Variants in ADAMTS17 observed in about 807,000 individuals in gnomAD.
ADAMTS17 encodes A disintegrin and metalloproteinase with thrombospondin motifs 17.
ADAMTS17 carries 113 observed loss-of-function variants against 141.5 expected under a neutral mutation model. The ratio of observed to expected loss-of-function variants is 0.80; its 90% CI spans 0.69 to 0.93. The LOEUF is 0.93. Ranked by LOEUF, ADAMTS17 falls within the 40% of genes least tolerant of loss-of-function variation. ADAMTS17 has a pLI of 0.00. For synonymous variants in ADAMTS17, 768 were observed against 630.6 expected (o/e 1.22, Z -3.27); for missense variants, 1,659 against 1,517.9 (o/e 1.09, Z -1.54).
chr15:100,084,382 G>C (rs976765604), intron 15 of ADAMTS17, among the ~76,000 whole-genome samples: 4 of 152,228 alleles, frequency 2.6e-5, no homozygotes, highest in Admixed American at 6.5e-5. Flanking sequence ...AGCTCAAGGA[G>C]GCTTGCCTGC....
chr15:100,023,809 G>A (rs999078449), intron 18 of ADAMTS17, among the ~76,000 whole-genome samples: 2 of 152,294 alleles, frequency 1.3e-5, no homozygotes, highest in South Asian at 4.1e-4. Context: ...TCTTTGCGCT[G>A]ATCTCCAGGG....
At chr15:99,992,991 G>A (rs1305731782) in intron 20 of ADAMTS17, 57 bp downstream of exon 20, 48 of 1,609,228 alleles carry the variant, frequency 3.0e-5, no homozygotes, top group South Asian at 5.5e-5. Flanking sequence ...CTGAGTTCCC[G>A]ACCCTCGAGC....
chr15:100,301,606 C>G (rs1195362429), intron 3 of ADAMTS17, among the ~76,000 whole-genome samples: 3 of 151,392 alleles, frequency 2.0e-5, no homozygotes, highest in Non-Finnish European at 4.4e-5. Flanking sequence ...GCTGGGATTA[C>G]AGGCGTGAGT....
In ADAMTS17 at chr15:100,085,311, C is replaced by T. The variant is rs890716915; in HGVS notation, c.2137+11045G>A. On this transcript the variant is annotated intron_variant, in intron 15 of 21. Transcript: ENST00000268070. ...TTAGAGAAAAAAGAATACAAAGAAA[C>T]GAACAAAGCCTCCAAGAAATATGGG... 1.0e-4 allele frequency among the ~76,000 whole-genome samples: 15 copies of T among 149,270 alleles called. 1 individual carries two copies. The East Asian group carries it at 1.4e-3, about 14-fold the overall frequency.
intron 15 of ADAMTS17, among the ~76,000 whole-genome samples, chr15:100,083,303 G>A (rs1212075256): frequency 6.6e-6 from 1 of 152,162 alleles, no homozygotes; most frequent in East Asian, 1.9e-4. Context: ...GCAAGCAGCA[G>A]GGGCTGGAAG....
chr15:100,280,548 T>C (rs796931248), intron 4 of ADAMTS17, among the ~76,000 whole-genome samples: 1 of 152,196 alleles, frequency 6.6e-6, no homozygotes, highest in East Asian at 1.9e-4. Context: ...GAGCCCCTGC[T>C]CCTCAAGATG....
At position 100,269,364 on chromosome 15, in the gene ADAMTS17, A is replaced by G. The variant is rs564246987; in HGVS notation, c.790-6929T>C. ...TACCCAGGAGTAGAGGTGTTGGGTCATATGTCATATGAATAAGCTTCTTTT... is the reference window on the plus strand; with the variant it reads ...TACCCAGGAGTAGAGGTGTTGGGTCGTATGTCATATGAATAAGCTTCTTTT... On this transcript the variant is annotated intron_variant, in intron 4 of 21. Coordinates refer to ENST00000268070, the MANE Select transcript of ADAMTS17 (RefSeq NM_139057.4). Among the ~76,000 whole-genome samples, 12 of 152,342 alleles carry G rather than the reference A, an allele frequency of 7.9e-5. No individual in the cohort carries two copies. In the South Asian group the frequency reaches 2.5e-3, roughly 32 times the overall value.
intron 3 of ADAMTS17, among the ~76,000 whole-genome samples, chr15:100,282,243 T>C: frequency 6.6e-6 from 1 of 152,242 alleles, no homozygotes; most frequent in Non-Finnish European, 1.5e-5. Context: ...GTTATTTCCA[T>C]GTTAGCACTA....
In ADAMTS17 at chr15:100,048,758, G is replaced by C. The variant is rs148303123; in HGVS notation, c.2591+99C>G. On this transcript the variant is annotated intron_variant, in intron 18 of 21. Coordinates refer to ENST00000268070, the MANE Select transcript of ADAMTS17 (RefSeq NM_139057.4). ...ATCAACAATAACGGAACACAGCATA[G>C]AGCAGTACTGTGGCATTAACTGCAT... The C allele has an allele frequency of 4.8e-5, 74 of 1,536,772 alleles. 1 individual carries two copies. The highest frequency in any genetic ancestry group is 6.5e-5 in the Non-Finnish European group (73 of 1,116,728).
At chr15:100,154,314 A>G (rs1009512704) in intron 9 of ADAMTS17, among the ~76,000 whole-genome samples, 1 of 152,228 alleles carries the variant, frequency 6.6e-6, no homozygotes, top group African/African-American at 2.4e-5. Flanking sequence ...GACTACATTA[A>G]AAGTAATGAG....
intron 2 of ADAMTS17, among the ~76,000 whole-genome samples, chr15:100,336,722 A>G (rs2046217794): frequency 6.6e-6 from 1 of 152,174 alleles, no homozygotes; most frequent in South Asian, 2.1e-4. Context: ...AGTAGGCTGC[A>G]TTATAAAGCT....
Position 99,974,313 on chromosome 15 carries a change from G to T in ADAMTS17, c.*89C>A. On this transcript the variant is annotated 3_prime_UTR_variant, in exon 22 of 22. Coordinates refer to ENST00000268070, the MANE Select transcript of ADAMTS17 (RefSeq NM_139057.4). ...GTAGTTGGATTCTTGTGGCAGCCGG[G>T]TGGGGGCGTGGCCACAAGGCTGGTA... 6.4e-7 allele frequency: 1 copy of T among 1,559,512 alleles called. No individual in the cohort carries two copies. Among genetic ancestry groups the T allele is most frequent in the Non-Finnish European group, 8.8e-7 (1 of 1,136,710 alleles).
intron 15 of ADAMTS17, among the ~76,000 whole-genome samples, chr15:100,063,322 T>C (rs1337012621): frequency 6.6e-6 from 1 of 152,182 alleles, no homozygotes; most frequent in Non-Finnish European, 1.5e-5. Flanking sequence ...AGTTGGCCAA[T>C]GGCCTGCACT....
intron 3 of ADAMTS17, chr15:100,305,833 T>C (rs555622678): frequency 6.6e-5 from 10 of 152,396 alleles, no homozygotes; most frequent in Middle Eastern, 3.4e-3. Context: ...CTAGGCAACA[T>C]GGCAAGACAC....
At chr15:100,087,645 C>T (rs888638466) in intron 15 of ADAMTS17, among the ~76,000 whole-genome samples, 2 of 152,216 alleles carry the variant, frequency 1.3e-5, no homozygotes, top group Non-Finnish European at 2.9e-5. Context: ...GCACCATGAT[C>T]AAGTGGGCTT....
At chr15:99,987,587 G>A (rs1488007032) in intron 20 of ADAMTS17, among the ~76,000 whole-genome samples, 2 of 152,180 alleles carry the variant, frequency 1.3e-5, no homozygotes, top group Non-Finnish European at 2.9e-5. Context: ...AAGCTGGACA[G>A]CAAAGATGAC....
chr15:100,236,103 G>T (rs1256329287), intron 7 of ADAMTS17, among the ~76,000 whole-genome samples: 1 of 152,094 alleles, frequency 6.6e-6, no homozygotes, highest in Non-Finnish European at 1.5e-5. Flanking sequence ...TCTAATTTGG[G>T]TCAGACGCCA....
intron 6 of ADAMTS17, among the ~76,000 whole-genome samples, chr15:100,257,781 T>C (rs2043376073): frequency 6.6e-6 from 1 of 152,250 alleles, no homozygotes; most frequent in Admixed American, 6.5e-5. Flanking sequence ...AAATTTACTA[T>C]CTTAACCATT....
chr15:100,335,563 C>G (rs1466780866), intron 2 of ADAMTS17, among the ~76,000 whole-genome samples: 2 of 152,242 alleles, frequency 1.3e-5, no homozygotes, highest in Non-Finnish European at 2.9e-5. Flanking sequence ...CCTACCAGAG[C>G]ATCCTGCACG....
Sources: gnomAD v4.1 joint callset for allele counts (sites outside exome capture counted in the v4.1 genomes callset) on GRCh38, gnomAD v4.1.1 for gene constraint, MANE v1.5 for transcripts, NCBI Gene and HGNC (gene_info 2026-07-23, HGNC 2026-07-21) for gene names.